ARHGEF37: variants seen among roughly 807,000 people sequenced by gnomAD.
ARHGEF37 encodes Rho guanine nucleotide exchange factor 37.
In ARHGEF37, 55 loss-of-function variants were observed where a neutral mutation model predicts 71.1. The observed-to-expected ratio is 0.77, with a 90% confidence interval of 0.62 to 0.97. ARHGEF37 has a LOEUF of 0.97. ARHGEF37 is among the 50% of genes least tolerant of loss of function. ARHGEF37 has a pLI of 0.00. For missense variants in ARHGEF37, 765 were observed against 836.8 expected (o/e 0.91, Z 1.06); for synonymous variants, 327 against 350.6 (o/e 0.93, Z 0.75).
At chr5:149,612,253 C>A (rs889054291) in intron 4 of ARHGEF37, among the ~76,000 whole-genome samples, 1 of 152,130 alleles carries the variant, frequency 6.6e-6, no homozygotes, top group Admixed American at 6.5e-5. Context: ...CTGCAACCTC[C>A]GTCTCCCGGG....
rs576634270 is a variant in ARHGEF37 at position 149,595,369 on chromosome 5, C to T, written c.-11-2390C>T. Among the ~76,000 whole-genome samples, 10 of 151,854 alleles carry T rather than the reference C, an allele frequency of 6.6e-5. No individual in the cohort carries two copies. In the South Asian group the frequency reaches 1.0e-3, roughly 16 times the overall value. ...TACAAAAAAATTTTTTCTGTAGAGA[C>T]GAAATCTCACTATGTTGCCCAGGCT... On this transcript the variant is annotated intron_variant, in intron 1 of 12. Transcript: ENST00000333677.
At chr5:149,559,615 T>A (rs1188543955) in intron 1 of ARHGEF37, among the ~76,000 whole-genome samples, 2 of 152,220 alleles carry the variant, frequency 1.3e-5, no homozygotes, top group Non-Finnish European at 2.9e-5. Flanking sequence ...TAGGATATAT[T>A]TCTAGAAATG....
At position 149,633,227 on chromosome 5, in the gene ARHGEF37, A is replaced by C. The variant is rs1752938789; in HGVS notation, c.*1036A>C. The C allele has an allele frequency of 6.6e-6, 1 of 152,278 alleles. No individual in the cohort carries two copies. Among genetic ancestry groups the C allele is most frequent in the African/African-American group, 2.4e-5 (1 of 41,464 alleles). 9.4% of individuals were successfully genotyped at this position (152,278 alleles called of 1,614,324 possible). A position where few individuals can be genotyped will look rare whatever the true frequency, so the allele number is the denominator to read the frequency against. Reference sequence around the variant, plus strand: ...GTTGTGCTGAGAATGACGTGGGGCTAAGCATGCAGAGCTCCCTGTAAACTG... The same window carrying C: ...GTTGTGCTGAGAATGACGTGGGGCTCAGCATGCAGAGCTCCCTGTAAACTG... On this transcript the variant is annotated 3_prime_UTR_variant, in exon 13 of 13. Transcript: ENST00000333677.
intron 1 of ARHGEF37, among the ~76,000 whole-genome samples, chr5:149,558,073 G>A (rs1210844158): frequency 1.3e-5 from 2 of 151,982 alleles, no homozygotes; most frequent in African/African-American, 4.8e-5. Context: ...ACGGGGTTTT[G>A]CCATGTTAGG....
chr5:149,627,521 G>C (rs761989229), intron 11 of ARHGEF37, among the ~76,000 whole-genome samples: 1 of 152,250 alleles, frequency 6.6e-6, no homozygotes, highest in Non-Finnish European at 1.5e-5. Context: ...GGTGTGCTGG[G>C]CGCTGAGCAT....
intron 10 of ARHGEF37, among the ~76,000 whole-genome samples, chr5:149,626,486 T>C (rs574454079): frequency 7.9e-5 from 12 of 152,194 alleles, no homozygotes; most frequent in Non-Finnish European, 1.8e-4. Context: ...TCCAGCTAGA[T>C]GGCAATTTCG....
Position 149,628,974 on chromosome 5 carries a change from T to C in ARHGEF37, c.1818+8T>C, listed in dbSNP as rs777224063. 5.6e-6 allele frequency: 9 copies of C among 1,610,538 alleles called. No individual in the cohort carries two copies. Among genetic ancestry groups the C allele is most frequent in the Non-Finnish European group, 5.9e-6 (7 of 1,179,082 alleles). On this transcript the variant is annotated splice_region_variant and intron_variant, in intron 12 of 12. Transcript: ENST00000333677. The stretch of plus-strand genomic sequence containing the variant: ...ATTCCCACCATGAACCAGGTGAGTA[T>C]AGGAGAGGGCTGGGGGCTTGCCTCC...
chr5:149,596,644 G>A (rs568335170), intron 1 of ARHGEF37, among the ~76,000 whole-genome samples: 1 of 152,330 alleles, frequency 6.6e-6, no homozygotes, highest in African/African-American at 2.4e-5. Context: ...GATTGCAGGA[G>A]TTTCAGAGAA....
At chr5:149,589,350 C>T (rs1474378331) in intron 1 of ARHGEF37, among the ~76,000 whole-genome samples, 3 of 149,292 alleles carry the variant, frequency 2.0e-5, no homozygotes, top group African/African-American at 7.4e-5. Context: ...ATTTATAAGA[C>T]AGGATCTCAC....
chr5:149,623,590 C>T (rs753553641), intron 9 of ARHGEF37, among the ~76,000 whole-genome samples: 7 of 152,100 alleles, frequency 4.6e-5, no homozygotes, highest in Middle Eastern at 3.2e-3. Flanking sequence ...GAGGTGGTCA[C>T]GTTTATAAAA....
upstream of ARHGEF37, among the ~76,000 whole-genome samples, chr5:149,580,662 C>T (rs1227593757): frequency 6.6e-6 from 1 of 152,046 alleles, no homozygotes; most frequent in Non-Finnish European, 1.5e-5. Flanking sequence ...TGAGACAGTA[C>T]AAGTAAAACA....
intron 4 of ARHGEF37, among the ~76,000 whole-genome samples, chr5:149,612,977 C>T (rs1752242671): frequency 6.6e-6 from 1 of 152,192 alleles, no homozygotes; most frequent in African/African-American, 2.4e-5. Flanking sequence ...CTCACCTTTG[C>T]AGTGGGCAGG....
upstream of ARHGEF37, among the ~76,000 whole-genome samples, chr5:149,576,645 A>T (rs1763031936): frequency 6.6e-6 from 1 of 152,162 alleles, no homozygotes; most frequent in African/African-American, 2.4e-5. Flanking sequence ...TAATTTCTTG[A>T]CTTGTCTTTC....
chr5:149,590,250 T>C (rs1026925043), intron 1 of ARHGEF37, among the ~76,000 whole-genome samples: 1 of 151,924 alleles, frequency 6.6e-6, no homozygotes, highest in African/African-American at 2.4e-5. Context: ...AGCAGTAGCT[T>C]GCTGCAGAAG....
intron 3 of ARHGEF37, among the ~76,000 whole-genome samples, chr5:149,602,126 G>A (rs969040148): frequency 4.0e-5 from 6 of 150,804 alleles, no homozygotes; most frequent in Non-Finnish European, 5.9e-5. Context: ...GCATGATCTC[G>A]GCTCACTGCA....
chr5:149,556,884 A>G (rs1023756855), intron 1 of ARHGEF37, among the ~76,000 whole-genome samples: 1 of 152,210 alleles, frequency 6.6e-6, no homozygotes, highest in Non-Finnish European at 1.5e-5. Flanking sequence ...TTCATGGAGT[A>G]ATTGAAAACA....
intron 1 of ARHGEF37, among the ~76,000 whole-genome samples, chr5:149,553,388 G>A (rs80273051): frequency 0.037 from 5,600 of 151,826 alleles, 164 homozygotes; most frequent in Non-Finnish European, 0.056. Flanking sequence ...GACAGAGCGA[G>A]ACTCCACTCC....
At chr5:149,630,172 G>A (rs1752837691) in intron 12 of ARHGEF37, among the ~76,000 whole-genome samples, 1 of 152,194 alleles carries the variant, frequency 6.6e-6, no homozygotes, top group Admixed American at 6.5e-5. Flanking sequence ...TTAAAAGGGT[G>A]AGTATTATAG....
At chr5:149,601,286 A>C in intron 3 of ARHGEF37, 55 bp downstream of exon 3, 2 of 1,575,194 alleles carry the variant, frequency 1.3e-6, no homozygotes, top group Non-Finnish European at 1.7e-6. Flanking sequence ...AACTGTTCTC[A>C]GCGAGTGGTC....
Sources: allele counts gnomAD v4.1 joint callset (sites outside exome capture counted in the v4.1 genomes callset), GRCh38; gene constraint gnomAD v4.1.1; transcripts MANE v1.5; gene names NCBI Gene and HGNC (gene_info 2026-07-23, HGNC 2026-07-21).